ARHGAP15: variants seen among roughly 807,000 people sequenced by gnomAD.
ARHGAP15 encodes rho GTPase-activating protein 15.
In ARHGAP15, 51 loss-of-function variants were observed where a neutral mutation model predicts 63.7. The ratio of observed to expected loss-of-function variants is 0.80; its 90% CI spans 0.64 to 1.01. The LOEUF (loss-of-function observed/expected upper bound fraction) is 1.01. Ranked by LOEUF, ARHGAP15 falls within the 50% of genes least tolerant of loss-of-function variation. The pLI is 0.00. For synonymous variants in ARHGAP15, 191 were observed against 193.8 expected (o/e 0.99, Z 0.12); for missense variants, 560 against 564.6 (o/e 0.99, Z 0.08).
chr2:143,599,340 G>C (rs1174710011), intron 11 of ARHGAP15, among the ~76,000 whole-genome samples: 2 of 152,162 alleles, frequency 1.3e-5, no homozygotes, highest in Non-Finnish European at 2.9e-5. Flanking sequence ...CCATAGATGA[G>C]AGCCTAAGCA....
chr2:143,601,528 A>G (rs1171484576), intron 11 of ARHGAP15: 1 of 152,134 alleles, frequency 6.6e-6, no homozygotes, highest in African/African-American at 2.4e-5. Flanking sequence ...GTTGAGCTCT[A>G]TGATTATTCT....
At chr2:143,499,069 G>A (rs1279268142) in intron 9 of ARHGAP15, among the ~76,000 whole-genome samples, 1 of 151,956 alleles carries the variant, frequency 6.6e-6, no homozygotes, top group African/African-American at 2.4e-5. Context: ...TTGCTTTTTT[G>A]CCAGCTTGAG....
intron 6 of ARHGAP15, chr2:143,350,859 A>G (rs1036113301): frequency 9.3e-5 from 14 of 150,590 alleles, no homozygotes; most frequent in Non-Finnish European, 1.3e-4. Flanking sequence ...AAAAAAAAAA[A>G]AAAGAAATTA....
At chr2:143,304,949 C>T (rs2105166662) in intron 6 of ARHGAP15, among the ~76,000 whole-genome samples, 1 of 152,118 alleles carries the variant, frequency 6.6e-6, no homozygotes, top group Admixed American at 6.5e-5. Context: ...CCAGAAATAC[C>T]ATTGGACCTA....
intron 6 of ARHGAP15, among the ~76,000 whole-genome samples, chr2:143,302,918 A>C (rs1682973729): frequency 6.6e-6 from 1 of 152,060 alleles, no homozygotes; most frequent in Admixed American, 6.6e-5. Flanking sequence ...AATAAGTATA[A>C]AATTACAAGG....
At chr2:143,542,892 A>T (rs1008802769) in intron 10 of ARHGAP15, among the ~76,000 whole-genome samples, 5 of 146,536 alleles carry the variant, frequency 3.4e-5, no homozygotes, top group Non-Finnish European at 7.5e-5. Context: ...TATAATGTAT[A>T]TCATATATAA....
At chr2:143,362,078 C>T (rs1406023053) in intron 6 of ARHGAP15, among the ~76,000 whole-genome samples, 1 of 152,126 alleles carries the variant, frequency 6.6e-6, no homozygotes, top group Non-Finnish European at 1.5e-5. Context: ...ACCAGGAATG[C>T]TGTTCTACCT....
intron 13 of ARHGAP15, among the ~76,000 whole-genome samples, chr2:143,744,342 T>G (rs2105513007): frequency 6.6e-6 from 1 of 152,348 alleles, no homozygotes; most frequent in South Asian, 2.1e-4. Context: ...TTGGTTTTCC[T>G]TATGGTCATC....
At chr2:143,264,348 G>A (rs893696275) in intron 6 of ARHGAP15, among the ~76,000 whole-genome samples, 10 of 152,076 alleles carry the variant, frequency 6.6e-5, no homozygotes, top group African/African-American at 2.4e-4. Flanking sequence ...GCTGTGGAAG[G>A]TAAGGCCTTC....
At chr2:143,267,989 G>C (rs575726526) in intron 6 of ARHGAP15, among the ~76,000 whole-genome samples, 1 of 151,980 alleles carries the variant, frequency 6.6e-6, no homozygotes, top group Admixed American at 6.6e-5. Flanking sequence ...CCCACATTTT[G>C]CTTGGGAAAA....
At chr2:143,254,656 G>A (rs193027443) in intron 6 of ARHGAP15, among the ~76,000 whole-genome samples, 67 of 152,090 alleles carry the variant, frequency 4.4e-4, no homozygotes, top group African/African-American at 8.2e-4. Flanking sequence ...AATTATTTCC[G>A]TGTCATTAAA....
intron 8 of ARHGAP15, among the ~76,000 whole-genome samples, chr2:143,484,184 A>G (rs1485732885): frequency 6.6e-6 from 1 of 152,002 alleles, no homozygotes; most frequent in East Asian, 1.9e-4. Flanking sequence ...TGGCCAACAT[A>G]GTAAAACCCC....
chr2:143,578,314 G>C (rs1260338244), intron 11 of ARHGAP15, among the ~76,000 whole-genome samples: 1 of 152,054 alleles, frequency 6.6e-6, no homozygotes, highest in African/African-American at 2.4e-5. Flanking sequence ...CTAAGCACAT[G>C]TTGTCATTCA....
chr2:143,664,656 T>C (rs1269571104), intron 12 of ARHGAP15, among the ~76,000 whole-genome samples: 6 of 151,508 alleles, frequency 4.0e-5, no homozygotes, highest in Non-Finnish European at 8.8e-5. Context: ...ATCAACAAAA[T>C]TGATAGACCA....
At chr2:143,593,395 C>T (rs1341302457) in intron 11 of ARHGAP15, 3 of 152,208 alleles carry the variant, frequency 2.0e-5, no homozygotes, top group East Asian at 3.9e-4. Context: ...GATAGTGAGC[C>T]TCTATTACAC....
At chr2:143,165,571 C>T (rs1690467305) in intron 2 of ARHGAP15, among the ~76,000 whole-genome samples, 1 of 152,014 alleles carries the variant, frequency 6.6e-6, no homozygotes, top group Admixed American at 6.6e-5. Context: ...TGCCAGAACA[C>T]ACAAATTAAA....
At chr2:143,232,137 G>C (rs1185147068) in intron 5 of ARHGAP15, among the ~76,000 whole-genome samples, 1 of 152,140 alleles carries the variant, frequency 6.6e-6, no homozygotes, top group Non-Finnish European at 1.5e-5. Flanking sequence ...AGGTACCTCA[G>C]TGAGTTAGTA....
chr2:143,471,197 CAT>C (rs1426478786), intron 8 of ARHGAP15, among the ~76,000 whole-genome samples: 42 of 140,088 alleles, frequency 3.0e-4, no homozygotes, highest in African/African-American at 4.4e-4. Flanking sequence ...TATATACACA[CAT>C]ATATGTGTGT....
At chr2:143,336,084 T>A (rs1262304083) in intron 6 of ARHGAP15, among the ~76,000 whole-genome samples, 3 of 152,106 alleles carry the variant, frequency 2.0e-5, no homozygotes, top group Non-Finnish European at 4.4e-5. Flanking sequence ...CACGGCAGCC[T>A]CGACCTCCCA....
Sources: allele counts gnomAD v4.1 joint callset (sites outside exome capture counted in the v4.1 genomes callset), GRCh38; gene constraint gnomAD v4.1.1; transcripts MANE v1.5; gene names NCBI Gene and HGNC (gene_info 2026-07-23, HGNC 2026-07-21).